Variants in ZMAT4 observed in about 807,000 individuals in gnomAD.
The protein encoded by ZMAT4 is zinc finger matrin-type 4, also known as zinc finger matrin-type protein 4.
In ZMAT4, 17 loss-of-function variants were observed where a neutral mutation model predicts 28.7. The ratio of observed to expected loss-of-function variants is 0.59; its 90% CI spans 0.41 to 0.89. The LOEUF (loss-of-function observed/expected upper bound fraction) is 0.89. ZMAT4 is among the 40% of genes least tolerant of loss of function. The pLI is 0.00. For synonymous variants in ZMAT4, 117 were observed against 109.2 expected, an observed-to-expected ratio of 1.07 and a Z score of -0.44; for missense variants, 240 against 283.8, an observed-to-expected ratio of 0.85 and a Z score of 1.11.
intron 5 of ZMAT4, among the ~76,000 whole-genome samples, chr8:40,591,197 A>T (rs1233958612): frequency 6.6e-6 from 1 of 152,208 alleles, no homozygotes; most frequent in Non-Finnish European, 1.5e-5. Flanking sequence ...CTAAAACCGC[A>T]GGGATGGTCA....
At chr8:40,737,945 A>G (rs1285882310) in intron 3 of ZMAT4, among the ~76,000 whole-genome samples, 1 of 152,092 alleles carries the variant, frequency 6.6e-6, no homozygotes, top group Non-Finnish European at 1.5e-5. Context: ...TATGACTGCC[A>G]TTGTTCTTAT....
chr8:40,896,365 G>A (rs142449472), intron 1 of ZMAT4, among the ~76,000 whole-genome samples: 2 of 152,310 alleles, frequency 1.3e-5, no homozygotes, highest in Non-Finnish European at 2.9e-5. Context: ...ACGGAAATCA[G>A]AGGGATGAAA....
chr8:40,719,842 G>T (rs1195959906), intron 3 of ZMAT4, among the ~76,000 whole-genome samples: 2 of 152,156 alleles, frequency 1.3e-5, no homozygotes, highest in African/African-American at 4.8e-5. Flanking sequence ...AAAGTGCTGG[G>T]ATTACAGGCA....
At chr8:40,712,381 A>C (rs933806985) in intron 3 of ZMAT4, among the ~76,000 whole-genome samples, 1 of 152,256 alleles carries the variant, frequency 6.6e-6, no homozygotes, top group African/African-American at 2.4e-5. Flanking sequence ...GACATGGAGG[A>C]TATCTCCACT....
intron 5 of ZMAT4, among the ~76,000 whole-genome samples, chr8:40,625,836 C>T (rs539026701): frequency 1.1e-3 from 11 of 10,154 alleles, no homozygotes; most frequent in East Asian, 0.5. Flanking sequence ...GGGGGCTGGG[C>T]GCGGTGGAAT....
At chr8:40,839,554 T>C (rs1011015008) in intron 1 of ZMAT4, among the ~76,000 whole-genome samples, 2 of 152,216 alleles carry the variant, frequency 1.3e-5, no homozygotes, top group Non-Finnish European at 2.9e-5. Context: ...GTCATGACAG[T>C]GAATCGACCT....
intron 5 of ZMAT4, among the ~76,000 whole-genome samples, chr8:40,610,393 A>G (rs1805753335): frequency 6.6e-6 from 1 of 152,220 alleles, no homozygotes; most frequent in Non-Finnish European, 1.5e-5. Flanking sequence ...CAAAGCAAAT[A>G]TGGGTTGTGT....
intron 3 of ZMAT4, among the ~76,000 whole-genome samples, chr8:40,757,969 G>T (rs575841370): frequency 6.6e-6 from 1 of 152,208 alleles, no homozygotes; most frequent in Non-Finnish European, 1.5e-5. Context: ...TCCCATGCTG[G>T]ATCCTTCCTG....
At chr8:40,851,963 C>A (rs571480500) in intron 1 of ZMAT4, among the ~76,000 whole-genome samples, 1 of 152,220 alleles carries the variant, frequency 6.6e-6, no homozygotes, top group South Asian at 2.1e-4. Flanking sequence ...GTGGCAAAAT[C>A]TCGGCTCACT....
At chr8:40,887,490 G>GA (rs35329610) in intron 1 of ZMAT4, among the ~76,000 whole-genome samples, 24,318 of 124,060 alleles carry the variant, frequency 0.2, 2,765 homozygotes, top group African/African-American at 0.35. Flanking sequence ...CTTCATCTCA[G>GA]AAAAAAAAAA....
chr8:40,870,619 C>T (rs1373353058), intron 1 of ZMAT4, among the ~76,000 whole-genome samples: 5 of 152,168 alleles, frequency 3.3e-5, no homozygotes, highest in East Asian at 1.9e-4. Flanking sequence ...TCTTTCCTTA[C>T]GTGTCCTATG....
At chr8:40,789,716 A>T (rs750501378) in intron 2 of ZMAT4, among the ~76,000 whole-genome samples, 14 of 152,190 alleles carry the variant, frequency 9.2e-5, no homozygotes, top group African/African-American at 3.4e-4. Context: ...AAAATTAAAA[A>T]TTAAAAACAA....
rs202201557 is a variant in ZMAT4 at position 40,559,770 on chromosome 8, CAT to C, written c.674+21393_674+21394del. On this transcript the variant is annotated intron_variant, in intron 6 of 6. Transcript: ENST00000297737. ...ACAAACAAACACAAAAACACACACA[CAT>C]GCGAATACACATAATTACAGAAACA... 7.4e-3 allele frequency among the ~76,000 whole-genome samples: 1,134 copies of C among 152,272 alleles called. 7 individuals carry two copies. The highest frequency in any genetic ancestry group is 0.01 in the Non-Finnish European group (685 of 68,014).
chr8:40,768,941 G>T (rs1813274702), intron 2 of ZMAT4, among the ~76,000 whole-genome samples: 1 of 152,108 alleles, frequency 6.6e-6, no homozygotes, highest in Non-Finnish European at 1.5e-5. Flanking sequence ...CAGCCATGAA[G>T]GCAAAGTGAT....
intron 3 of ZMAT4, among the ~76,000 whole-genome samples, chr8:40,757,008 C>T (rs1209573354): frequency 6.6e-6 from 1 of 152,076 alleles, no homozygotes; most frequent in Non-Finnish European, 1.5e-5. Flanking sequence ...ACCTTACAGC[C>T]CTCTCGTGTT....
chr8:40,755,437 A>T (rs571940352), intron 3 of ZMAT4, among the ~76,000 whole-genome samples: 9 of 152,194 alleles, frequency 5.9e-5, no homozygotes, highest in African/African-American at 2.2e-4. Context: ...TCTATTTATG[A>T]ATATTAATAT....
At chr8:40,828,659 A>G (rs1280962322) in intron 1 of ZMAT4, among the ~76,000 whole-genome samples, 1 of 152,238 alleles carries the variant, frequency 6.6e-6, no homozygotes, top group Non-Finnish European at 1.5e-5. Flanking sequence ...AAAAGGCAAT[A>G]AGGACCCCTC....
At chr8:40,581,497 C>T (rs978998330) in intron 5 of ZMAT4, among the ~76,000 whole-genome samples, 9 of 152,120 alleles carry the variant, frequency 5.9e-5, no homozygotes, top group Non-Finnish European at 8.8e-5. Context: ...ATTAGAGCAT[C>T]CTTCTTTGAA....
intron 6 of ZMAT4, among the ~76,000 whole-genome samples, chr8:40,561,683 C>T (rs574169498): frequency 4.6e-5 from 7 of 152,270 alleles, no homozygotes; most frequent in African/African-American, 1.7e-4. Flanking sequence ...GCTTGTTCAA[C>T]CCCCAGCCCA....
Sources: gnomAD v4.1 joint callset for allele counts (sites outside exome capture counted in the v4.1 genomes callset) on GRCh38, gnomAD v4.1.1 for gene constraint, MANE v1.5 for transcripts, NCBI Gene and HGNC (gene_info 2026-07-23, HGNC 2026-07-21) for gene names.